Variants in RECQL observed in about 807,000 individuals in gnomAD.
RECQL encodes the protein RecQ like helicase.
RECQL carries 73 observed loss-of-function variants against 75.8 expected under a neutral mutation model. That is an observed-to-expected ratio of 0.96 (90% CI 0.80 to 1.17). The LOEUF is 1.17. Ranked by LOEUF, RECQL falls within the 50% of genes most tolerant of loss-of-function variation. The probability of loss-of-function intolerance (pLI) is 0.00; values close to 1 mark genes in which losing one functional copy is unlikely to be tolerated. For missense variants in RECQL, 699 were observed against 772.1 expected (o/e 0.91, Z 1.12); for synonymous variants, 248 against 254.4 (o/e 0.97, Z 0.24).
chr12:21,470,859 C>G, intron 14 of RECQL, 110 bp downstream of exon 14: 1 of 723,104 alleles, frequency 1.4e-6, no homozygotes. Context: ...AATCAGAAAA[C>G]TGACTTTTCT....
At chr12:21,475,887 C>T in intron 8 of RECQL, 63 bp from the exon 9 acceptor site, 1 of 1,321,426 alleles carries the variant, frequency 7.6e-7, no homozygotes, top group Non-Finnish European at 1.1e-6. Context: ...TGGTTTTCAA[C>T]ACACACATTC....
At chr12:21,484,549 T>TAA (rs1943253757) in intron 5 of RECQL, among the ~76,000 whole-genome samples, 1 of 152,032 alleles carries the variant, frequency 6.6e-6, no homozygotes. Context: ...AATATATGGG[T>TAA]AAACTAAAGG....
At chr12:21,499,676 C>T in intron 1 of RECQL, 61 bp from the exon 2 acceptor site, 1 of 824,688 alleles carries the variant, frequency 1.2e-6, no homozygotes, top group Non-Finnish European at 2.0e-6. Context: ...TAATGATGTT[C>T]ACTCAACAGT....
intron 7 of RECQL, 63 bp from the exon 8 acceptor site, chr12:21,477,055 T>C: frequency 9.4e-7 from 1 of 1,068,034 alleles, no homozygotes; most frequent in Non-Finnish European, 1.3e-6. Flanking sequence ...GCTGTCTATG[T>C]ACAACTTTCA....
rs1358830770 is a variant in RECQL, at chr12:21,491,604, T to C, written c.129A>G (p.Thr43=). ...QELIQKKKVL[T]KKIKQCLEDS... ...CCTCTAAACACTGCTTTATTTTCTT[T>C]GTCAGGACTTTTTTTTTCTGAATAA... The change falls in exon 3 of 15, where the codon ACA becomes ACG. Residue 43 remains threonine (T), a synonymous_variant. Coordinates refer to ENST00000444129, the MANE Select transcript of RECQL (RefSeq NM_002907.4). 5.0e-6 allele frequency: 8 copies of C among 1,613,982 alleles called. No homozygotes were observed. The highest frequency in any genetic ancestry group is 1.7e-5 in the Admixed American group (1 of 60,002).
At chr12:21,498,107 T>C (rs977586501) in intron 2 of RECQL, among the ~76,000 whole-genome samples, 2 of 152,212 alleles carry the variant, frequency 1.3e-5, no homozygotes, top group Admixed American at 1.3e-4. Context: ...AAAGAACTCA[T>C]TTACAGCAAA....
chr12:21,471,079 C>G lies in RECQL; in HGVS notation c.1687G>C (p.Ala563Pro). 1.9e-6 allele frequency: 3 copies of G among 1,590,180 alleles called. No individual in the cohort carries two copies. The highest frequency in any genetic ancestry group is 2.6e-6 in the Non-Finnish European group (3 of 1,171,934). Residue 563 changes from alanine to proline, a missense_variant, in exon 14 of 15, where the codon GCT becomes CCT. This residue lies in a region of RECQL where 669 missense variants were observed against 713.5 expected (regional missense o/e 0.94). Coordinates refer to ENST00000444129, the MANE Select transcript of RECQL (RefSeq NM_002907.4). ...QYLKEDYSFT[A>P]YATISYLKIG... The stretch of plus-strand genomic sequence containing the variant: ...TTCAAATACGAAATGGTAGCATAAG[C>G]TGTAAAACTGTAGTCTTCTCTGCAG...
In RECQL at chr12:21,490,243, C is replaced by A. The variant is rs1157682634; in HGVS notation, c.350G>T (p.Gly117Val). The stretch of plus-strand genomic sequence containing the variant: ...TAACTGGTAACATAAGCTCTTTCCA[C>A]CTCCTGTAGGCATAACAAGAAATAC... Reference protein sequence around the residue: ...KEVFLVMPTGGGKSLCYQLPA... With the variant: ...KEVFLVMPTGVGKSLCYQLPA... The change falls in exon 4 of 15, where the codon GGT (glycine) becomes GTT (valine). Residue 117 changes from glycine (G) to valine (V), a missense_variant. Transcript: ENST00000444129. 1 of 1,612,928 alleles carries A rather than the reference C, an allele frequency of 6.2e-7. No individual in the cohort carries two copies. The highest frequency in any genetic ancestry group is 8.5e-7 in the Non-Finnish European group (1 of 1,179,296).
At position 21,476,902 on chromosome 12, in the gene RECQL, T is replaced by G; in HGVS notation, c.949+9A>C. 6.3e-7 allele frequency: 1 copy of G among 1,592,404 alleles called. No homozygotes were observed. The highest frequency in any genetic ancestry group is 2.2e-5 in the East Asian group (1 of 44,460). On this transcript the variant is annotated intron_variant, in intron 8 of 14. Coordinates refer to ENST00000444129, the MANE Select transcript of RECQL (RefSeq NM_002907.4). ...CTCTGTCTCCAAAGTTGGTTTGTTT[T>G]TACATTACCTGATTGCCCTTTGTAT...
intron 1 of RECQL, among the ~76,000 whole-genome samples, chr12:21,500,956 A>G (rs1205230445): frequency 2.6e-5 from 4 of 152,206 alleles, no homozygotes; most frequent in Non-Finnish European, 5.9e-5. Context: ...CAGGTCTGTC[A>G]CTCAGCAGTA....
At chr12:21,495,085 A>G (rs960118753) in intron 2 of RECQL, among the ~76,000 whole-genome samples, 3 of 152,230 alleles carry the variant, frequency 2.0e-5, no homozygotes, top group Non-Finnish European at 2.9e-5. Context: ...CAGAATAGAA[A>G]GCTCTGATTC....
chr12:21,471,361 C>T, intron 13 of RECQL, 67 bp downstream of exon 13: 1 of 1,408,730 alleles, frequency 7.1e-7, no homozygotes, highest in Non-Finnish European at 9.7e-7. Flanking sequence ...ACCGTTTATT[C>T]TGTTGCAATT....
intron 7 of RECQL, among the ~76,000 whole-genome samples, chr12:21,477,433 T>C (rs1203041109): frequency 6.6e-6 from 1 of 152,214 alleles, no homozygotes; most frequent in Non-Finnish European, 1.5e-5. Flanking sequence ...TTTAATGGCA[T>C]ATGAATACTT....
Position 21,491,375 on chromosome 12 carries a change from C to T in RECQL, c.214+144G>A, listed in dbSNP as rs3759234. The T allele has an allele frequency of 3.8e-4, 267 of 711,164 alleles. 1 individual carries two copies. The East Asian group carries it at 7.0e-3, about 19-fold the overall frequency. 44.1% of individuals were successfully genotyped at this position (711,164 alleles called of 1,614,324 possible). On this transcript the variant is annotated intron_variant, in intron 3 of 14. Transcript: ENST00000444129. The stretch of plus-strand genomic sequence containing the variant: ...CAGAACACAGGGAAAGAATGATCCA[C>T]CTGCAAGTTTCCCATTCCACTGGAG...
intron 2 of RECQL, among the ~76,000 whole-genome samples, chr12:21,494,373 T>C (rs1484767387): frequency 3.9e-5 from 6 of 152,204 alleles, no homozygotes; most frequent in African/African-American, 1.4e-4. Flanking sequence ...TATATGGGAA[T>C]AGATCATAAA....
chr12:21,471,615 T>A lies in RECQL; in HGVS notation c.1480A>T (p.Arg494Ter). Residue 494 changes from arginine to a stop codon, truncating the protein, a stop_gained, in exon 13 of 15, where the codon AGA (arginine) becomes TGA (stop). Coordinates refer to ENST00000444129, the MANE Select transcript of RECQL (RefSeq NM_002907.4). LOFTEE classifies it high-confidence loss of function. The part of the protein sequence containing the change: ...FERKNITEYC[R>*]DLIKILKQAE... ...TGCTTCAGGATCTTGATTAGATCTC[T>A]GCAGTACTCTGTTATGTTCTTTCTT... The A allele has an allele frequency of 6.2e-7, 1 of 1,612,806 alleles. No individual in the cohort carries two copies. Among genetic ancestry groups the A allele is most frequent in the South Asian group, 1.1e-5 (1 of 91,034 alleles).
intron 12 of RECQL, among the ~76,000 whole-genome samples, chr12:21,472,638 T>G (rs988120813): frequency 6.6e-6 from 1 of 152,092 alleles, no homozygotes; most frequent in African/African-American, 2.4e-5. Context: ...GCAAATACAT[T>G]ATATTTTCTA....
chr12:21,486,451 T>TA (rs369525826), intron 5 of RECQL, 28 bp downstream of exon 5: 21,148 of 1,279,158 alleles, frequency 0.017, 4 homozygotes, highest in East Asian at 0.027. Context: ...TAGTTTACAT[T>TA]AAAAAAAAAA....
intron 6 of RECQL, among the ~76,000 whole-genome samples, chr12:21,482,501 T>G (rs555396234): frequency 1.3e-5 from 2 of 152,262 alleles, no homozygotes; most frequent in South Asian, 4.1e-4. Context: ...AATTTTTGTT[T>G]TTTTGACAAT....
Sources: allele counts gnomAD v4.1 joint callset (sites outside exome capture counted in the v4.1 genomes callset), GRCh38; gene constraint gnomAD v4.1.1; regional missense constraint gnomAD v4.1.1; transcripts MANE v1.5; gene names NCBI Gene and HGNC (gene_info 2026-07-23, HGNC 2026-07-21).